Variants in TRDN observed in about 807,000 individuals in gnomAD.
TRDN encodes triadin in skeletal muscle.
Under a neutral mutation model 149.7 loss-of-function variants are expected in TRDN, and 161 were observed. The observed-to-expected ratio is 1.08, with a 90% CI of 0.95 to 1.23. The LOEUF (loss-of-function observed/expected upper bound fraction) is 1.23. Ranked by LOEUF, TRDN falls within the 50% of genes most tolerant of loss-of-function variation. TRDN has a pLI of 0.00. For synonymous variants in TRDN, 294 were observed against 250.5 expected (o/e 1.17, Z -1.64); for missense variants, 896 against 823.5 (o/e 1.09, Z -1.08).
chr6:123,596,197 A>C (rs953137989), intron 1 of TRDN, among the ~76,000 whole-genome samples: 74 of 152,228 alleles, frequency 4.9e-4, no homozygotes, highest in Non-Finnish European at 7.2e-4. Context: ...AAGTGTTCTG[A>C]ATAGATCAAA....
At chr6:123,611,258 G>A (rs143433613) in intron 1 of TRDN, among the ~76,000 whole-genome samples, 174 of 152,106 alleles carry the variant, frequency 1.1e-3, no homozygotes, top group South Asian at 8.1e-3. Context: ...ATGCAAATGC[G>A]AATACTTTTG....
intron 33 of TRDN, among the ~76,000 whole-genome samples, chr6:123,264,072 A>G (rs1427486313): frequency 6.6e-6 from 1 of 152,074 alleles, no homozygotes; most frequent in Non-Finnish European, 1.5e-5. Flanking sequence ...AACACAACAT[A>G]CATTCTGCAG....
intron 10 of TRDN, among the ~76,000 whole-genome samples, chr6:123,443,241 T>C (rs1775043219): frequency 6.7e-6 from 1 of 149,174 alleles, no homozygotes; most frequent in Non-Finnish European, 1.5e-5. Context: ...ATACATATTA[T>C]ATATATTTTT....
intron 1 of TRDN, among the ~76,000 whole-genome samples, chr6:123,597,820 C>G (rs754390817): frequency 6.6e-6 from 1 of 152,058 alleles, no homozygotes; most frequent in Non-Finnish European, 1.5e-5. Context: ...TAATAGACTA[C>G]TCTATAGTGT....
intron 38 of TRDN, among the ~76,000 whole-genome samples, chr6:123,229,461 A>G (rs907418497): frequency 6.6e-6 from 1 of 151,956 alleles, no homozygotes; most frequent in African/African-American, 2.4e-5. Flanking sequence ...TACACTTAAG[A>G]AAAGTGTTAT....
intron 19 of TRDN, among the ~76,000 whole-genome samples, chr6:123,367,635 G>T (rs1452371618): frequency 6.6e-6 from 1 of 152,154 alleles, no homozygotes; most frequent in Non-Finnish European, 1.5e-5. Context: ...ATACCTTCCA[G>T]GTAAAGACTT....
chr6:123,265,729 TTAA>T (rs1389091885), intron 32 of TRDN, among the ~76,000 whole-genome samples: 1 of 147,120 alleles, frequency 6.8e-6, no homozygotes, highest in Admixed American at 6.8e-5. Context: ...ATATTAATTA[TTAA>T]TATTAATTTA....
intron 24 of TRDN, among the ~76,000 whole-genome samples, chr6:123,304,074 G>A (rs1463540917): frequency 2.0e-5 from 3 of 151,992 alleles, no homozygotes; most frequent in Non-Finnish European, 4.4e-5. Context: ...GGCAAGTCAT[G>A]ACTTCCATGA....
intron 24 of TRDN, among the ~76,000 whole-genome samples, chr6:123,286,861 G>C (rs1777821937): frequency 6.6e-6 from 1 of 151,494 alleles, no homozygotes; most frequent in African/African-American, 2.4e-5. Context: ...AGCAGCACCT[G>C]GGGAGTTGCT....
chr6:123,438,002 T>C (rs1048600792), intron 12 of TRDN, 61 bp downstream of exon 12: 2 of 1,386,050 alleles, frequency 1.4e-6, no homozygotes, highest in African/African-American at 1.4e-5. Context: ...GCATGAGGAG[T>C]CTTTCATGAA....
At chr6:123,454,594 A>G (rs1375545016) in intron 10 of TRDN, among the ~76,000 whole-genome samples, 2 of 152,172 alleles carry the variant, frequency 1.3e-5, no homozygotes, top group East Asian at 1.9e-4. Flanking sequence ...AGGGTCCCCA[A>G]CCCCTGTGCT....
chr6:123,567,201 C>T (rs1782337248), intron 2 of TRDN, among the ~76,000 whole-genome samples: 1 of 152,216 alleles, frequency 6.6e-6, no homozygotes, highest in Non-Finnish European at 1.5e-5. Context: ...ATAGACATTA[C>T]AACTGTGTAT....
intron 38 of TRDN, among the ~76,000 whole-genome samples, chr6:123,246,933 C>A (rs1396422279): frequency 3.3e-5 from 5 of 152,150 alleles, no homozygotes; most frequent in Non-Finnish European, 7.3e-5. Context: ...CCCTGGGATG[C>A]AAGGTTGGTT....
chr6:123,335,510 A>G (rs1331215204), intron 22 of TRDN, among the ~76,000 whole-genome samples: 2 of 151,900 alleles, frequency 1.3e-5, no homozygotes, highest in African/African-American at 4.8e-5. Flanking sequence ...TTGCAACAAT[A>G]TTAGAAATTA....
At chr6:123,372,298 T>C (rs1219266956) in intron 19 of TRDN, among the ~76,000 whole-genome samples, 1 of 152,126 alleles carries the variant, frequency 6.6e-6, no homozygotes, top group Non-Finnish European at 1.5e-5. Flanking sequence ...TAAATGATCT[T>C]GACATATATT....
chr6:123,344,961 G>C (rs1780199925), intron 21 of TRDN, among the ~76,000 whole-genome samples: 1 of 151,936 alleles, frequency 6.6e-6, no homozygotes, highest in African/African-American at 2.4e-5. Context: ...ATTTTAATAG[G>C]TGTGTAGTGG....
chr6:123,483,318 G>A (rs972430681), intron 9 of TRDN, among the ~76,000 whole-genome samples: 4 of 151,594 alleles, frequency 2.6e-5, no homozygotes, highest in African/African-American at 9.7e-5. Flanking sequence ...TAGCCAGGAT[G>A]GTCTCGGTCT....
intron 21 of TRDN, among the ~76,000 whole-genome samples, chr6:123,344,162 T>G (rs2114265850): frequency 6.6e-6 from 1 of 152,122 alleles, no homozygotes; most frequent in East Asian, 1.9e-4. Flanking sequence ...TGGCAGTTTG[T>G]TATAGCAGCC....
At chr6:123,313,748 C>T (rs1453185740) in intron 24 of TRDN, among the ~76,000 whole-genome samples, 3 of 151,616 alleles carry the variant, frequency 2.0e-5, no homozygotes, top group African/African-American at 7.3e-5. Context: ...ACAAAACTGA[C>T]AGGATTCCCT....
Sources: allele counts gnomAD v4.1 joint callset (sites outside exome capture counted in the v4.1 genomes callset), GRCh38; gene constraint gnomAD v4.1.1; transcripts MANE v1.5; gene names NCBI Gene and HGNC (gene_info 2026-07-23, HGNC 2026-07-21).